The following TCHP variants were observed in gnomAD, a reference collection of about 807,000 sequenced individuals.
TCHP encodes trichoplein keratin filament binding.
In TCHP, 81 loss-of-function variants were observed where a neutral mutation model predicts 88.7. That is an observed-to-expected ratio of 0.91 (90% CI 0.76 to 1.10). The LOEUF is 1.10. Ranked by LOEUF, TCHP falls within the 50% of genes least tolerant of loss-of-function variation. The probability of loss-of-function intolerance (pLI) is 0.00; values close to 1 mark genes in which losing one functional copy is unlikely to be tolerated. For synonymous variants in TCHP, 232 were observed against 232.5 expected, an observed-to-expected ratio of 1.00 and a Z score of 0.02; for missense variants, 641 against 632.1, an observed-to-expected ratio of 1.01 and a Z score of -0.15.
At chr12:109,892,861 G>A in the TCHP span, among the ~76,000 whole-genome samples, 1 of 152,202 alleles carries the variant, frequency 6.6e-6, no homozygotes, top group African/African-American at 2.4e-5. Flanking sequence ...GGACAATCAA[G>A]GTTCAGTAAC....
At chr12:109,914,279 C>A in intron 10 of TCHP, 163 bp from the exon 11 acceptor site, 1 of 594,846 alleles carries the variant, frequency 1.7e-6, no homozygotes, top group Non-Finnish European at 2.9e-6. Context: ...TGGCCGACAT[C>A]GTGAGAGCAA....
the TCHP span, among the ~76,000 whole-genome samples, chr12:109,889,914 T>C: frequency 6.6e-6 from 1 of 152,318 alleles, no homozygotes; most frequent in South Asian, 2.1e-4. Context: ...CAATTCTCCT[T>C]GCTGCTTCTT....
rs148581914 is a variant in TCHP, at chr12:109,913,069, C to T, written c.1131C>T (p.Ser377=). 2.6e-3 allele frequency: 4,191 copies of T among 1,613,724 alleles called. 15 individuals are homozygous for T. The highest frequency in any genetic ancestry group is 3.3e-3 in the Non-Finnish European group (3,861 of 1,179,966). Residue 377 remains serine, a synonymous_variant, in exon 10 of 13, where the codon AGC becomes AGT. Coordinates refer to ENST00000405876, the MANE Select transcript of TCHP (RefSeq NM_001143852.2). ...RERSARDRLM[S]EVLTGRQQQI... ...GCAGCGCACGGGACAGACTGATGAG[C>T]GAGGTAATCCCAGCTGCGGCGATGT...
At chr12:109,912,583 G>A (rs536224962) in intron 9 of TCHP, among the ~76,000 whole-genome samples, 127 of 152,252 alleles carry the variant, frequency 8.3e-4, no homozygotes, top group Non-Finnish European at 1.6e-3. Context: ...TTGAGATCAG[G>A]AGTTCAAGAC....
At chr12:109,881,989 C>A in the TCHP span, among the ~76,000 whole-genome samples, 1 of 139,994 alleles carries the variant, frequency 7.1e-6, no homozygotes, top group Admixed American at 7.2e-5. Flanking sequence ...ACAGCAAAAT[C>A]CCTGCCCTTG....
the TCHP span, among the ~76,000 whole-genome samples, chr12:109,894,822 G>C: frequency 6.6e-6 from 1 of 151,084 alleles, no homozygotes; most frequent in African/African-American, 2.4e-5. Flanking sequence ...TCCCCTAGCA[G>C]GTTTCCCTCA....
In TCHP at chr12:109,907,626, G is replaced by A. The variant is rs771471537; in HGVS notation, c.626G>A (p.Arg209Lys). 3 of 1,613,984 alleles carry A rather than the reference G, an allele frequency of 1.9e-6. No individual in the cohort carries two copies. The highest frequency in any genetic ancestry group is 2.5e-6 in the Non-Finnish European group (3 of 1,179,976). Residue 209 changes from arginine (R) to lysine (K), a missense_variant, in exon 6 of 13, where the codon AGG becomes AAG. Coordinates refer to ENST00000405876, the MANE Select transcript of TCHP (RefSeq NM_001143852.2). ...AGGATGAAAGCTGAAGAGGAGAGGA[G>A]GCAGCTGGAGGACAAGCTCCAGGCC... is the stretch of plus-strand genomic sequence containing the variant. ...LERMKAEEER[R>K]QLEDKLQAEA... is the part of the protein sequence containing the mutation.
intron 6 of TCHP, 124 bp downstream of exon 6, chr12:109,907,823 C>T (rs1870233779): frequency 4.7e-6 from 5 of 1,074,870 alleles, no homozygotes; most frequent in African/African-American, 3.2e-5. Context: ...AGGGCGGCAG[C>T]AGCCGGGTTC....
chr12:109,906,904 T>C (rs1870164539), intron 5 of TCHP, among the ~76,000 whole-genome samples: 1 of 152,162 alleles, frequency 6.6e-6, no homozygotes, highest in African/African-American at 2.4e-5. Context: ...TTTTTTTCTT[T>C]TGGAGGCAGG....
At chr12:109,916,150 C>G (rs112740278) in intron 12 of TCHP, among the ~76,000 whole-genome samples, 13 of 152,348 alleles carry the variant, frequency 8.5e-5, no homozygotes, top group African/African-American at 2.9e-4. Context: ...CTAGGGCCAC[C>G]CTGGCCACCC....
chr12:109,908,044 G>A (rs944406391), intron 6 of TCHP, among the ~76,000 whole-genome samples: 4 of 152,198 alleles, frequency 2.6e-5, no homozygotes, highest in Admixed American at 2.6e-4. Flanking sequence ...AGCTCTCCGT[G>A]GGGAGCAGGT....
intron 10 of TCHP, among the ~76,000 whole-genome samples, chr12:109,913,638 CTG>C (rs1244581492): frequency 6.6e-6 from 1 of 152,180 alleles, no homozygotes; most frequent in African/African-American, 2.4e-5. Context: ...AGTGTGTACA[CTG>C]TGCGTGGAAG....
Position 109,916,338 on chromosome 12 carries a change from C to T in TCHP, c.1465-253C>T, listed in dbSNP as rs371188062. Among the ~76,000 whole-genome samples, 6 of 152,340 alleles carry T rather than the reference C, an allele frequency of 3.9e-5. No homozygotes were observed. In the South Asian group the frequency reaches 1.2e-3, roughly 32 times the overall value. ...CACAGGGAACAGCATTTCCTAAACC[C>T]ACTTGGCCGTGGATCAGTGAGAGTG... On this transcript the variant is annotated intron_variant, in intron 12 of 12. Coordinates refer to ENST00000405876, the MANE Select transcript of TCHP (RefSeq NM_001143852.2).
chr12:109,909,427 G>A (rs549134372), intron 8 of TCHP, among the ~76,000 whole-genome samples: 1 of 152,358 alleles, frequency 6.6e-6, no homozygotes, highest in East Asian at 1.9e-4. Flanking sequence ...CTTTCTAGAT[G>A]TATTTACATA....
chr12:109,899,919 C>T (rs535165918), upstream of TCHP, among the ~76,000 whole-genome samples: 4 of 152,208 alleles, frequency 2.6e-5, no homozygotes, highest in Admixed American at 2.0e-4. Flanking sequence ...CCGCCTCAGT[C>T]TCCCGAGTAG....
chr12:109,890,603 A>C, the TCHP span, among the ~76,000 whole-genome samples: 1 of 148,160 alleles, frequency 6.7e-6, no homozygotes, highest in Non-Finnish European at 1.5e-5. Flanking sequence ...TCTGCTTCCC[A>C]GGTTCGAGCG....
chr12:109,910,962 T>C, intron 8 of TCHP, 101 bp from the exon 9 acceptor site: 1 of 1,402,120 alleles, frequency 7.1e-7, no homozygotes, highest in Non-Finnish European at 9.3e-7. Flanking sequence ...GAATCACGAA[T>C]GTCTATGTAG....
chr12:109,897,629 C>T (rs1298379901), upstream of TCHP, among the ~76,000 whole-genome samples: 9 of 150,592 alleles, frequency 6.0e-5, no homozygotes, highest in African/African-American at 1.5e-4. Context: ...GGTCAGATCT[C>T]GGCTCACTGC....
Position 109,916,736 on chromosome 12 carries a change from G to A in TCHP, c.*113G>A. 1 of 971,122 alleles carries A rather than the reference G, an allele frequency of 1.0e-6. No homozygotes were observed. The highest frequency in any genetic ancestry group is 1.6e-6 in the Non-Finnish European group (1 of 638,996). The allele number at this position is 971,122 out of a possible 1,614,324, so 60.2% of individuals were successfully genotyped here. On this transcript the variant is annotated 3_prime_UTR_variant, in exon 13 of 13. Coordinates refer to ENST00000405876, the MANE Select transcript of TCHP (RefSeq NM_001143852.2). Reference sequence around the variant, plus strand: ...GTAAGTGCCCGGGGCACTGTCAGATGGCTCAGCAGTGCCTGCTCAGGTTCA... The same window carrying A: ...GTAAGTGCCCGGGGCACTGTCAGATAGCTCAGCAGTGCCTGCTCAGGTTCA...
Sources: gnomAD v4.1 joint callset for allele counts (sites outside exome capture counted in the v4.1 genomes callset) on GRCh38, gnomAD v4.1.1 for gene constraint, MANE v1.5 for transcripts, NCBI Gene and HGNC (gene_info 2026-07-23, HGNC 2026-07-21) for gene names.